Variants in ATE1 observed in about 807,000 individuals in gnomAD.
ATE1 encodes the protein arginyltransferase 1.
A neutral mutation model predicts 70.5 loss-of-function variants in ATE1; 36 were observed. That is an observed-to-expected ratio of 0.51 (90% CI 0.39 to 0.67). The LOEUF is 0.67. Ranked by LOEUF, ATE1 falls within the 30% of genes least tolerant of loss-of-function variation. ATE1 has a pLI of 0.00. For missense variants in ATE1, 593 were observed against 629.5 expected (o/e 0.94, Z 0.62); for synonymous variants, 232 against 219.3 (o/e 1.06, Z -0.51).
At chr10:121,865,527 C>T (rs562760435) in intron 8 of ATE1, among the ~76,000 whole-genome samples, 1 of 152,266 alleles carries the variant, frequency 6.6e-6, no homozygotes, top group South Asian at 2.1e-4. Flanking sequence ...TAATTGAAGA[C>T]ATCTGTAAGT....
intron 10 of ATE1, among the ~76,000 whole-genome samples, chr10:121,792,911 T>C (rs1239919064): frequency 6.6e-6 from 1 of 152,092 alleles, no homozygotes; most frequent in African/African-American, 2.4e-5. Context: ...GAACCAACCA[T>C]AGAGGAAGAA....
intron 11 of ATE1, among the ~76,000 whole-genome samples, chr10:121,754,219 G>A (rs76222352): frequency 0.01 from 1,563 of 152,168 alleles, 11 homozygotes; most frequent in African/African-American, 0.027. Context: ...ATGAAACCCC[G>A]GTAGCAATGA....
chr10:121,801,208 GAC>G (rs1310815411), intron 10 of ATE1, among the ~76,000 whole-genome samples: 1 of 152,144 alleles, frequency 6.6e-6, no homozygotes. Flanking sequence ...TTTTTCCACT[GAC>G]AAACAGAAAG....
At chr10:121,838,227 C>T (rs982828859) in intron 9 of ATE1, among the ~76,000 whole-genome samples, 3 of 152,070 alleles carry the variant, frequency 2.0e-5, no homozygotes, top group Admixed American at 6.6e-5. Flanking sequence ...CAATCCCCCA[C>T]CCCAGCAGTG....
chr10:121,857,183 C>T (rs778670935), intron 8 of ATE1, among the ~76,000 whole-genome samples: 1 of 152,052 alleles, frequency 6.6e-6, no homozygotes, highest in Non-Finnish European at 1.5e-5. Context: ...TTGTATGATA[C>T]TAAGGTTTGG....
intron 8 of ATE1, chr10:121,846,525 G>GA (rs1948828941): frequency 6.8e-6 from 1 of 147,978 alleles, no homozygotes; most frequent in Non-Finnish European, 1.5e-5. Flanking sequence ...ACCACCACAA[G>GA]AGAGGATTTA....
intron 11 of ATE1, among the ~76,000 whole-genome samples, chr10:121,760,662 C>T (rs1289147210): frequency 6.6e-6 from 1 of 152,126 alleles, no homozygotes; most frequent in Non-Finnish European, 1.5e-5. Context: ...GAAGATGCTG[C>T]AAATATGGTT....
intron 10 of ATE1, among the ~76,000 whole-genome samples, chr10:121,822,507 G>A (rs1590393417): frequency 6.6e-6 from 1 of 152,080 alleles, no homozygotes; most frequent in African/African-American, 2.4e-5. Context: ...ATGTAAGATT[G>A]GCACAGTTTT....
At chr10:121,797,314 AT>A (rs1946696949) in intron 10 of ATE1, among the ~76,000 whole-genome samples, 1 of 152,096 alleles carries the variant, frequency 6.6e-6, no homozygotes, top group African/African-American at 2.4e-5. Context: ...CTAGTGATCC[AT>A]TTTTTTGCAA....
At chr10:121,858,660 A>ATATATATATATAATATATTT (rs138747210) in intron 8 of ATE1, among the ~76,000 whole-genome samples, 2 of 139,216 alleles carry the variant, frequency 1.4e-5, no homozygotes, top group Non-Finnish European at 3.0e-5. Context: ...TATACATATA[A>ATATATATATATAATATATTT]TATATATATA....
chr10:121,856,479 G>A (rs1272744663), intron 8 of ATE1, among the ~76,000 whole-genome samples: 6 of 152,176 alleles, frequency 3.9e-5, no homozygotes, highest in African/African-American at 1.4e-4. Flanking sequence ...GCAGTGAGCC[G>A]AGATCATGCT....
At chr10:121,779,721 C>T (rs1945900965) in intron 11 of ATE1, among the ~76,000 whole-genome samples, 1 of 152,196 alleles carries the variant, frequency 6.6e-6, no homozygotes, top group African/African-American at 2.4e-5. Flanking sequence ...CTCCATCAGA[C>T]TTACCACTCT....
chr10:121,766,707 A>G (rs1379972945), intron 11 of ATE1, among the ~76,000 whole-genome samples: 1 of 152,140 alleles, frequency 6.6e-6, no homozygotes, highest in Non-Finnish European at 1.5e-5. Flanking sequence ...CCTAGACAAT[A>G]ATCTCAAAAA....
At chr10:121,853,379 A>C (rs981609417) in intron 8 of ATE1, among the ~76,000 whole-genome samples, 2 of 151,708 alleles carry the variant, frequency 1.3e-5, no homozygotes, top group Admixed American at 6.6e-5. Context: ...AAAAAAAAAA[A>C]AACTAAATTG....
At position 121,871,020 on chromosome 10, in the gene ATE1, T is replaced by A. The variant is rs190326160; in HGVS notation, c.943-982A>T. 1.1e-3 allele frequency among the ~76,000 whole-genome samples: 171 copies of A among 152,326 alleles called. 1 individual carries two copies. The highest frequency in any genetic ancestry group is 3.9e-3 in the African/African-American group (162 of 41,576). ...AACTTCCTCCCCACAACAAAGCTAG[T>A]ACTCGCAGGGAATACAAATAACTTG... On this transcript the variant is annotated intron_variant, in intron 7 of 11. Transcript: ENST00000224652.
At chr10:121,745,625 G>C (rs995964357) in intron 11 of ATE1, among the ~76,000 whole-genome samples, 1 of 152,238 alleles carries the variant, frequency 6.6e-6, no homozygotes, top group Non-Finnish European at 1.5e-5. Flanking sequence ...TACTCAGGAG[G>C]CTGAGGCAGG....
chr10:121,875,080 A>C (rs1262464637), intron 7 of ATE1, among the ~76,000 whole-genome samples: 1 of 143,152 alleles, frequency 7.0e-6, no homozygotes, highest in Non-Finnish European at 1.5e-5. Flanking sequence ...CGGAGCTTGC[A>C]GTGAGTCGAG....
intron 11 of ATE1, among the ~76,000 whole-genome samples, chr10:121,788,234 A>AT (rs1946293152): frequency 6.6e-6 from 1 of 152,214 alleles, no homozygotes; most frequent in Non-Finnish European, 1.5e-5. Context: ...GACAAATTTA[A>AT]TGTTTGTTTT....
At chr10:121,865,639 A>T (rs1342262830) in intron 8 of ATE1, among the ~76,000 whole-genome samples, 1 of 152,246 alleles carries the variant, frequency 6.6e-6, no homozygotes, top group Admixed American at 6.5e-5. Context: ...ATCAGCAGCT[A>T]CAGAGCCACC....
Sources: allele counts gnomAD v4.1 joint callset (sites outside exome capture counted in the v4.1 genomes callset), GRCh38; gene constraint gnomAD v4.1.1; transcripts MANE v1.5; gene names NCBI Gene and HGNC (gene_info 2026-07-23, HGNC 2026-07-21).